Variants in CACNA2D3 observed in about 807,000 individuals in gnomAD.
CACNA2D3 encodes calcium voltage-gated channel auxiliary subunit alpha2delta 3.
Under a neutral mutation model 160.6 loss-of-function variants are expected in CACNA2D3, and 60 were observed. The ratio of observed to expected loss-of-function variants is 0.37; its 90% CI spans 0.30 to 0.46. The LOEUF is 0.46. Among genes scored for constraint, CACNA2D3 ranks in the 20% least tolerant of loss-of-function variants. CACNA2D3 has a pLI of 1.00. For missense variants in CACNA2D3, 1,205 were observed against 1,365.0 expected (o/e 0.88, Z 1.85); for synonymous variants, 558 against 492.9 (o/e 1.13, Z -1.75).
intron 4 of CACNA2D3, among the ~76,000 whole-genome samples, chr3:54,474,183 T>C (rs1229561363): frequency 6.6e-6 from 1 of 151,972 alleles, no homozygotes; most frequent in Non-Finnish European, 1.5e-5. Context: ...ATAAAGAAAA[T>C]GTAGCACATA....
At chr3:54,679,351 C>T (rs1374893826) in intron 11 of CACNA2D3, among the ~76,000 whole-genome samples, 1 of 152,188 alleles carries the variant, frequency 6.6e-6, no homozygotes, top group African/African-American at 2.4e-5. Context: ...TACTCAAAAG[C>T]ATCCTTTTCT....
At chr3:54,311,598 G>T (rs748181595) in intron 2 of CACNA2D3, among the ~76,000 whole-genome samples, 2 of 152,318 alleles carry the variant, frequency 1.3e-5, no homozygotes, top group African/African-American at 4.8e-5. Context: ...CTGCAGACCA[G>T]TGTGCCCTCC....
chr3:55,042,503 A>G (rs1274692093), intron 35 of CACNA2D3, among the ~76,000 whole-genome samples: 3 of 152,078 alleles, frequency 2.0e-5, no homozygotes, highest in African/African-American at 7.2e-5. Context: ...TACATCTTTT[A>G]CCATCTTTTT....
chr3:54,268,599 G>A (rs1490664900), intron 2 of CACNA2D3, among the ~76,000 whole-genome samples: 1 of 152,074 alleles, frequency 6.6e-6, no homozygotes, highest in Non-Finnish European at 1.5e-5. Flanking sequence ...TAGTAGAGAT[G>A]GGGTTTCATC....
intron 10 of CACNA2D3, among the ~76,000 whole-genome samples, chr3:54,635,572 A>G (rs1181610086): frequency 2.6e-5 from 4 of 152,072 alleles, no homozygotes; most frequent in African/African-American, 4.8e-5. Context: ...AGGAGCATCT[A>G]TACAGGAGCT....
At chr3:54,356,666 C>T (rs1022039452) in intron 3 of CACNA2D3, among the ~76,000 whole-genome samples, 4 of 152,088 alleles carry the variant, frequency 2.6e-5, no homozygotes, top group Non-Finnish European at 5.9e-5. Flanking sequence ...GAGCGTTCAG[C>T]GTTAAGTGTT....
chr3:54,925,056 T>C (rs745808042), intron 27 of CACNA2D3: 2 of 1,614,154 alleles, frequency 1.2e-6, no homozygotes, highest in South Asian at 2.2e-5. Context: ...ATCTTGTAAA[T>C]GCAGCGTTCG....
chr3:54,294,993 T>C (rs1380497404), intron 2 of CACNA2D3, among the ~76,000 whole-genome samples: 4 of 152,112 alleles, frequency 2.6e-5, no homozygotes, highest in African/African-American at 9.7e-5. Context: ...TACCTATTCA[T>C]TCTCATCCAC....
chr3:54,133,160 G>A (rs1182960725), intron 2 of CACNA2D3, among the ~76,000 whole-genome samples: 8 of 152,076 alleles, frequency 5.3e-5, no homozygotes, highest in African/African-American at 1.4e-4. Context: ...AGGGGTTTTC[G>A]GCAGTAATAA....
chr3:54,984,653 T>G lies in CACNA2D3; in HGVS notation c.2602T>G (p.Ser868Ala). 6.4e-7 allele frequency: 1 copy of G among 1,562,948 alleles called. No individual in the cohort carries two copies. ...LIDNNGFILV[S>A]EDYTQTGDFF... ...AGACAATAATGGATTTATTTTGGTGTCTGAAGACTACACACAGGTGAGTGA... is the reference window on the plus strand; with the variant it reads ...AGACAATAATGGATTTATTTTGGTGGCTGAAGACTACACACAGGTGAGTGA... Residue 868 changes from serine to alanine, a missense_variant, in exon 30 of 38, where the codon TCT (serine) becomes GCT (alanine). Ser to Ala is a moderately conservative substitution (Grantham distance 99). This residue lies in a region of CACNA2D3 where 911 missense variants were observed against 1,002.2 expected (regional missense o/e 0.91). Coordinates refer to ENST00000474759, the MANE Select transcript of CACNA2D3 (RefSeq NM_018398.3).
intron 5 of CACNA2D3, among the ~76,000 whole-genome samples, chr3:54,537,274 A>G (rs140428395): frequency 6.6e-6 from 1 of 152,208 alleles, no homozygotes; most frequent in African/African-American, 2.4e-5. Context: ...GGGCAGAGGC[A>G]CATTATGTGG....
At chr3:54,336,380 A>G (rs1188844575) in intron 3 of CACNA2D3, among the ~76,000 whole-genome samples, 7 of 152,114 alleles carry the variant, frequency 4.6e-5, no homozygotes, top group Admixed American at 6.5e-5. Context: ...TGCAGGTTAA[A>G]CAGAATGTTT....
At chr3:54,895,424 G>A (rs537712345) in intron 25 of CACNA2D3, among the ~76,000 whole-genome samples, 3 of 152,262 alleles carry the variant, frequency 2.0e-5, no homozygotes, top group African/African-American at 7.2e-5. Context: ...AACCTGGAGG[G>A]TGTCCTCGAA....
chr3:54,453,123 C>G (rs1235792240), intron 4 of CACNA2D3, among the ~76,000 whole-genome samples: 1 of 152,074 alleles, frequency 6.6e-6, no homozygotes, highest in East Asian at 1.9e-4. Flanking sequence ...TCCCAAGCTG[C>G]TGGGACCATA....
chr3:54,677,979 G>A (rs1700274823), intron 11 of CACNA2D3, among the ~76,000 whole-genome samples: 1 of 152,108 alleles, frequency 6.6e-6, no homozygotes, highest in South Asian at 2.1e-4. Flanking sequence ...AGCAAGAGGT[G>A]AAAAATTCAC....
intron 18 of CACNA2D3, among the ~76,000 whole-genome samples, chr3:54,877,571 A>G (rs953213953): frequency 6.6e-6 from 1 of 152,218 alleles, no homozygotes; most frequent in Non-Finnish European, 1.5e-5. Flanking sequence ...CTCTGGCTCC[A>G]GAGTCCATTC....
At chr3:54,436,858 A>G (rs1275612803) in intron 4 of CACNA2D3, among the ~76,000 whole-genome samples, 1 of 152,188 alleles carries the variant, frequency 6.6e-6, no homozygotes, top group Non-Finnish European at 1.5e-5. Flanking sequence ...TGACGGGTTG[A>G]TACATGCAGC....
At chr3:54,188,256 CA>C (rs1655065706) in intron 2 of CACNA2D3, among the ~76,000 whole-genome samples, 1 of 151,502 alleles carries the variant, frequency 6.6e-6, no homozygotes, top group Non-Finnish European at 1.5e-5. Flanking sequence ...AACAAACAAA[CA>C]AACAAACAAA....
intron 3 of CACNA2D3, among the ~76,000 whole-genome samples, chr3:54,370,195 A>G (rs920918919): frequency 3.3e-5 from 5 of 152,196 alleles, no homozygotes; most frequent in Admixed American, 3.3e-4. Context: ...AACCCTTTTA[A>G]TTAGCAGTAT....
Sources: allele counts gnomAD v4.1 joint callset (sites outside exome capture counted in the v4.1 genomes callset), GRCh38; gene constraint gnomAD v4.1.1; regional missense constraint gnomAD v4.1.1; transcripts MANE v1.5; gene names NCBI Gene and HGNC (gene_info 2026-07-23, HGNC 2026-07-21).